Variants in TEKT5 observed in about 807,000 individuals in gnomAD.
The protein encoded by TEKT5 is tektin 5, also known as tektin-5.
TEKT5 carries 52 observed loss-of-function variants against 48.7 expected under a neutral mutation model. That is an observed-to-expected ratio of 1.07 (90% CI 0.86 to 1.35). The LOEUF is 1.35. TEKT5 is among the 40% of genes most tolerant of loss of function. The pLI, the probability that TEKT5 is intolerant of heterozygous loss-of-function variation, is 0.00. For synonymous variants in TEKT5, 318 were observed against 267.6 expected (o/e 1.19, Z -1.84); for missense variants, 831 against 641.6 (o/e 1.30, Z -3.19).
intron 5 of TEKT5, among the ~76,000 whole-genome samples, chr16:10,650,859 TG>T (rs779407611): frequency 2.0e-5 from 3 of 147,440 alleles, no homozygotes; most frequent in African/African-American, 5.0e-5. Flanking sequence ...CATTTCAGCC[TG>T]GGTGACAGAG....
At chr16:10,631,083 T>TACAC (rs1555464267) in intron 6 of TEKT5, among the ~76,000 whole-genome samples, 1 of 148,628 alleles carries the variant, frequency 6.7e-6, no homozygotes, top group Admixed American at 6.8e-5. Flanking sequence ...TATATATATA[T>TACAC]ACACACACAC....
intron 5 of TEKT5, among the ~76,000 whole-genome samples, chr16:10,661,189 G>A (rs1002659626): frequency 2.9e-4 from 44 of 152,290 alleles, no homozygotes; most frequent in East Asian, 1.2e-3. Context: ...GCGGAGGGGC[G>A]GGGATTTGGC....
intron 3 of TEKT5, among the ~76,000 whole-genome samples, chr16:10,688,740 A>T (rs887135125): frequency 3.3e-5 from 5 of 152,236 alleles, no homozygotes; most frequent in African/African-American, 9.6e-5. Flanking sequence ...TACTGGTTAC[A>T]TAATCTTGTA....
At chr16:10,668,558 T>A (rs1407696550) in intron 5 of TEKT5, among the ~76,000 whole-genome samples, 1 of 152,054 alleles carries the variant, frequency 6.6e-6, no homozygotes, top group Non-Finnish European at 1.5e-5. Context: ...AACAGAGGGG[T>A]TGGCAGTAGA....
chr16:10,627,804 G>A lies in TEKT5; in HGVS notation c.1242-5C>T. ...GTGAACACCTCGTTCACCAGCCTGG[G>A]GTGAGGGCAGAGGAGAAGGCACAGG... is the stretch of plus-strand genomic sequence containing the variant. On this transcript the variant is annotated splice_polypyrimidine_tract_variant and splice_region_variant and intron_variant, in intron 6 of 6. Coordinates refer to ENST00000283025, the MANE Select transcript of TEKT5 (RefSeq NM_144674.2). 1 of 1,613,756 alleles carries A rather than the reference G, an allele frequency of 6.2e-7. No individual in the cohort carries two copies.
Position 10,668,828 on chromosome 16 carries a change from G to A in TEKT5, c.1086+7131C>T, listed in dbSNP as rs1898502430. 5.3e-5 allele frequency among the ~76,000 whole-genome samples: 8 copies of A among 152,168 alleles called. No homozygotes were observed. In the South Asian group the frequency reaches 1.4e-3, roughly 28 times the overall value. ...TGAGTTTCCTCTGATATATAAAGCA[G>A]AGTGCACAAATACAGGGCTACAGGA... On this transcript the variant is annotated intron_variant, in intron 5 of 6. Coordinates refer to ENST00000283025, the MANE Select transcript of TEKT5 (RefSeq NM_144674.2).
At chr16:10,636,175 G>A (rs1037423300) in intron 5 of TEKT5, among the ~76,000 whole-genome samples, 19 of 152,234 alleles carry the variant, frequency 1.2e-4, no homozygotes, top group Admixed American at 1.1e-3. Context: ...AGGGGTTCTA[G>A]ATCAGCCTGG....
chr16:10,681,042 CA>C (rs35641359), intron 4 of TEKT5, among the ~76,000 whole-genome samples: 18,716 of 125,148 alleles, frequency 0.15, 1,193 homozygotes, highest in African/African-American at 0.18. Context: ...AGAAAAATAC[CA>C]AAAAAAAAAA....
intron 5 of TEKT5, among the ~76,000 whole-genome samples, chr16:10,644,128 G>T (rs1898034655): frequency 1.3e-5 from 2 of 152,172 alleles, no homozygotes; most frequent in Admixed American, 1.3e-4. Context: ...TACACAAGGG[G>T]CTTGCACTGT....
At chr16:10,673,149 C>G (rs1257380624) in intron 5 of TEKT5, among the ~76,000 whole-genome samples, 1 of 152,196 alleles carries the variant, frequency 6.6e-6, no homozygotes, top group Non-Finnish European at 1.5e-5. Context: ...AAAACACAGT[C>G]TCAGAACGCA....
chr16:10,636,268 G>A (rs369901897), intron 5 of TEKT5, among the ~76,000 whole-genome samples: 4 of 152,040 alleles, frequency 2.6e-5, no homozygotes, highest in Admixed American at 6.6e-5. Context: ...CCAGCTACTC[G>A]GGGGACCGAG....
At chr16:10,679,282 C>A (rs997198230) in intron 4 of TEKT5, among the ~76,000 whole-genome samples, 34 of 152,070 alleles carry the variant, frequency 2.2e-4, no homozygotes, top group Admixed American at 1.3e-3. Flanking sequence ...CATGGTGAAA[C>A]CCTGTCTCTA....
chr16:10,631,241 G>C (rs1897835600), intron 6 of TEKT5, among the ~76,000 whole-genome samples: 1 of 133,194 alleles, frequency 7.5e-6, no homozygotes, highest in Non-Finnish European at 1.6e-5. Context: ...GGACAACAGA[G>C]CAAGACTCCA....
rs201231382 is a variant in TEKT5 at position 10,689,232 on chromosome 16, A to T, written c.719+21T>A. 4.3e-5 allele frequency: 9 copies of T among 207,458 alleles called. No individual in the cohort carries two copies. In the East Asian group the frequency reaches 4.9e-4, roughly 11 times the overall value. The allele number at this position is 207,458 out of a possible 1,614,324, so 12.9% of individuals were successfully genotyped here. A position where few individuals can be genotyped will look rare whatever the true frequency, so the allele number is the denominator to read the frequency against. On this transcript the variant is annotated intron_variant, in intron 3 of 6. Transcript: ENST00000283025. ...AAACAAACCCCAAGGAGAGGGAATT[A>T]AAAAAAAAAAAAGCCCTTACCGCAT...
Position 10,627,587 on chromosome 16 carries a change from G to T in TEKT5, c.1454C>A (p.Thr485Asn). 1 of 1,614,098 alleles carries T rather than the reference G, an allele frequency of 6.2e-7. No homozygotes were observed. The highest frequency in any genetic ancestry group is 1.7e-5 in the Admixed American group (1 of 60,032). The change falls in exon 7 of 7, where the codon ACC becomes AAC. Residue 485 changes from threonine (T) to asparagine (N), a missense_variant. Physicochemically the swap from Thr to Asn is moderately conservative, Grantham distance 65 (BLOSUM62 0). Transcript: ENST00000283025. Reference sequence around the variant, plus strand: ...AATGAGGCGCCAGGGCGGTGCTCAGGTGTGGCCCACCAGGCGCGGGGTGCA... The same window carrying T: ...AATGAGGCGCCAGGGCGGTGCTCAGTTGTGGCCCACCAGGCGCGGGGTGCA... ...FPCTPRLVGHT is the reference protein window; with the variant it reads ...FPCTPRLVGHN
In TEKT5 at chr16:10,635,808, G is replaced by A; in HGVS notation, c.1197C>T (p.Thr399=). The change falls in exon 6 of 7, where the codon ACC becomes ACT. Residue 399 remains threonine, a synonymous_variant. Transcript: ENST00000283025. ...KVAQTRLECR[T]RRPNMELCRD... Reference sequence around the variant, plus strand: ...TGCACAGCTCCATGTTGGGGCGCCGGGTCCGGCACTCCAGCCTTGTCTGGG... The same window carrying A: ...TGCACAGCTCCATGTTGGGGCGCCGAGTCCGGCACTCCAGCCTTGTCTGGG... 6.2e-7 allele frequency: 1 copy of A among 1,614,140 alleles called. No homozygotes were observed. Among genetic ancestry groups the A allele is most frequent in the Admixed American group, 1.7e-5 (1 of 60,022 alleles).
chr16:10,669,987 T>A (rs1442686956), intron 5 of TEKT5, among the ~76,000 whole-genome samples: 3 of 152,128 alleles, frequency 2.0e-5, no homozygotes, highest in Non-Finnish European at 2.9e-5. Flanking sequence ...GCTATGAGGC[T>A]TGGGGTGTGG....
At chr16:10,688,643 G>A (rs1898908768) in intron 3 of TEKT5, among the ~76,000 whole-genome samples, 1 of 152,196 alleles carries the variant, frequency 6.6e-6, no homozygotes, top group Admixed American at 6.5e-5. Context: ...CGGGGGAGCT[G>A]GTGCCAAGGG....
chr16:10,645,753 G>C (rs1055244579), intron 5 of TEKT5, among the ~76,000 whole-genome samples: 2 of 152,160 alleles, frequency 1.3e-5, no homozygotes, highest in Non-Finnish European at 2.9e-5. Context: ...AGGGAGCCAA[G>C]ATCACACCAT....
Sources: gnomAD v4.1 joint callset for allele counts (sites outside exome capture counted in the v4.1 genomes callset) on GRCh38, gnomAD v4.1.1 for gene constraint, MANE v1.5 for transcripts, NCBI Gene and HGNC (gene_info 2026-07-23, HGNC 2026-07-21) for gene names.